The following KIF21B variants were observed in gnomAD, a reference collection of about 807,000 sequenced individuals.
KIF21B encodes the protein kinesin family member 21B, also known as kinesin-like protein KIF21B.
A neutral mutation model predicts 192.9 loss-of-function variants in KIF21B; 85 were observed. The ratio of observed to expected loss-of-function variants is 0.44; its 90% confidence interval spans 0.37 to 0.53. The LOEUF (loss-of-function observed/expected upper bound fraction) is 0.53. Ranked by LOEUF, KIF21B falls within the 20% of genes least tolerant of loss-of-function variation. The probability of loss-of-function intolerance (pLI) is 0.00; values close to 1 mark genes in which losing one functional copy is unlikely to be tolerated. For synonymous variants in KIF21B, 832 were observed against 884.6 expected, an observed-to-expected ratio of 0.94 and a Z score of 1.05; for missense variants, 1,716 against 2,194.8, an observed-to-expected ratio of 0.78 and a Z score of 4.36.
Position 200,998,716 on chromosome 1 carries a change from T to A in KIF21B, c.1886-141A>T. The A allele has an allele frequency of 1.5e-6, 1 of 686,722 alleles. No homozygotes were observed. The highest frequency in any genetic ancestry group is 2.5e-6 in the Non-Finnish European group (1 of 407,874). The allele number at this position is 686,722 out of a possible 1,614,324, so 42.5% of individuals were successfully genotyped here. A position where few individuals can be genotyped will look rare whatever the true frequency, so the allele number is the denominator to read the frequency against. On this transcript the variant is annotated intron_variant, in intron 13 of 34. Transcript: ENST00000461742. This position sits in a 1 kb window ranked among gnomAD's most constrained non-coding sequence, Gnocchi z 4.3. Reference sequence around the variant, plus strand: ...ACCAGAGACTGGGCAAAATGATAAATCCTAATGCAGGTAGAATGCGGCCAG... The same window carrying A: ...ACCAGAGACTGGGCAAAATGATAAAACCTAATGCAGGTAGAATGCGGCCAG...
chr1:200,992,065 AG>A (rs1477797228), intron 16 of KIF21B, among the ~76,000 whole-genome samples: 2 of 152,198 alleles, frequency 1.3e-5, no homozygotes, highest in African/African-American at 2.4e-5. Context: ...TCCCCTCTCC[AG>A]GGCTCAAGTC....
intron 2 of KIF21B, 70 bp from the exon 3 acceptor site, chr1:201,009,021 C>A: frequency 6.6e-7 from 1 of 1,507,988 alleles, no homozygotes; most frequent in South Asian, 1.3e-5. Context: ...TGTACCTGGG[C>A]CAAATCCCCT....
chr1:200,990,184 C>T lies in KIF21B; in HGVS notation c.2984G>A (p.Gly995Asp). 1.2e-6 allele frequency: 2 copies of T among 1,614,028 alleles called. No homozygotes were observed. Among genetic ancestry groups the T allele is most frequent in the Non-Finnish European group, 1.7e-6 (2 of 1,179,984 alleles). ...GATGGTGGCCTGGCAGTCGGTGATG[C>T]CGTCATTGATGTAGTCAATGTTGGC... is the stretch of plus-strand genomic sequence containing the variant. ...LAANIDYINDGITDCQATIVQ... is the reference protein window; with the variant it reads ...LAANIDYINDDITDCQATIVQ... Residue 995 changes from glycine to aspartate, a missense_variant, in exon 20 of 35, where the codon GGC becomes GAC. This residue lies in a region of KIF21B where 49 missense variants were observed against 102.6 expected (regional missense o/e 0.48). Coordinates refer to ENST00000461742, the MANE Select transcript of KIF21B (RefSeq NM_001252102.2). The surrounding 1 kb of genome is among the most constrained non-coding windows in gnomAD (Gnocchi z 5.4).
chr1:200,987,147 G>C lies in KIF21B; in HGVS notation c.3463C>G (p.Pro1155Ala). 1.2e-6 allele frequency: 2 copies of C among 1,614,034 alleles called. No individual in the cohort carries two copies. Among genetic ancestry groups the C allele is most frequent in the South Asian group, 2.2e-5 (2 of 91,064 alleles). ...TTCTTGGTGGAGATATCCAGTGGGG[G>C]GCCCAGGCACTCAGCCGACACAGCT... is the stretch of plus-strand genomic sequence containing the variant. ...MKAVSAECLGPPLDISTKNIT... is the reference protein window; with the variant it reads ...MKAVSAECLGAPLDISTKNIT... Residue 1155 changes from proline to alanine, a missense_variant, in exon 25 of 35, where the codon CCC (proline) becomes GCC (alanine). Coordinates refer to ENST00000461742, the MANE Select transcript of KIF21B (RefSeq NM_001252102.2).
intron 16 of KIF21B, 127 bp from the exon 17 acceptor site, chr1:200,991,852 T>G: frequency 2.1e-6 from 2 of 972,886 alleles, no homozygotes; most frequent in Non-Finnish European, 3.1e-6. Context: ...AGCCAAACTC[T>G]TGATAAAGTG....
rs777397981 is a variant in KIF21B, at chr1:201,003,664, C to G, written c.1134G>C (p.Gln378His). 6.2e-7 allele frequency: 1 copy of G among 1,614,114 alleles called. No individual in the cohort carries two copies. The highest frequency in any genetic ancestry group is 1.3e-5 in the African/African-American group (1 of 74,938). The change falls in exon 8 of 35, where the codon CAG becomes CAC. Residue 378 changes from glutamine (Q) to histidine (H), a missense_variant. This residue lies in a region of KIF21B where 1,087 missense variants were observed against 1,316.6 expected (regional missense o/e 0.83). Transcript: ENST00000461742. ...CACTGATTTGCTGGCTGGTCTTGTC[C>G]TGGTTCACTACCACCTTGTTCTTGA... Reference protein sequence around the residue: ...RNIKNKVVVNQDKTSQQISAL... With the variant: ...RNIKNKVVVNHDKTSQQISAL...
At position 201,003,766 on chromosome 1, in the gene KIF21B, G is replaced by A. The variant is rs528121290; in HGVS notation, c.1032C>T (p.Ile344=). The change falls in exon 8 of 35, where the codon ATC becomes ATT. Residue 344 remains isoleucine, a synonymous_variant. Transcript: ENST00000461742. ...SLGGNSQTIM[I]ACVSPSDRDF... is the part of the protein sequence containing the mutation. ...CTCGGTCTGAGGGGCTCACACAGGC[G>A]ATCATGATGGTCTGGCTGGGGGTGC... The A allele has an allele frequency of 1.8e-5, 29 of 1,614,158 alleles. No individual in the cohort carries two copies. Among genetic ancestry groups the A allele is most frequent in the Middle Eastern group, 1.6e-4 (1 of 6,062 alleles).
intron 30 of KIF21B, 140 bp from the exon 31 acceptor site, chr1:200,977,516 T>C (rs1280595396): frequency 2.0e-6 from 2 of 1,024,728 alleles, no homozygotes; most frequent in Non-Finnish European, 2.8e-6. Context: ...AGAAGAGCAA[T>C]AGCTTCTCCC....
In KIF21B at chr1:200,987,573, G is replaced by A. The variant is rs146304850; in HGVS notation, c.3409-372C>T. Among the ~76,000 whole-genome samples the A allele has an allele frequency of 3.3e-3, 510 of 152,278 alleles. 6 individuals carry two copies. The highest frequency in any genetic ancestry group is 0.012 in the African/African-American group (499 of 41,552). On this transcript the variant is annotated intron_variant, in intron 24 of 34. Coordinates refer to ENST00000461742, the MANE Select transcript of KIF21B (RefSeq NM_001252102.2). ...CGGAAATTCTAACAAGAGAAATGAT[G>A]CCGTCTTGGCCTAAGGTAGAGGACC...
intron 8 of KIF21B, chr1:201,002,949 T>C (rs1033080882): frequency 1.9e-5 from 3 of 156,154 alleles, no homozygotes; most frequent in Admixed American, 6.2e-5. Flanking sequence ...GGGCTACCAA[T>C]TGGTGACTTC....
chr1:200,990,249 C>G lies in KIF21B; in HGVS notation c.2919G>C (p.Lys973Asn), dbSNP rs1656595083. The change falls in exon 20 of 35, where the codon AAG becomes AAC. Residue 973 changes from lysine (K) to asparagine (N), a missense_variant. Transcript: ENST00000461742. The surrounding 1 kb of genome is among the most constrained non-coding windows in gnomAD (Gnocchi z 5.4). Reference sequence around the variant, plus strand: ...TCTCCTCAGCCAGCTCCTGCAGCCCCTTCTCTTCCTCGGGGCTCTCAGCCT... The same window carrying G: ...TCTCCTCAGCCAGCTCCTGCAGCCCGTTCTCTTCCTCGGGGCTCTCAGCCT... ...RLQAESPEEE[K>N]GLQELAEEIE... is the part of the protein sequence containing the mutation. The G allele has an allele frequency of 1.2e-6, 2 of 1,614,026 alleles. No homozygotes were observed. The highest frequency in any genetic ancestry group is 1.7e-6 in the Non-Finnish European group (2 of 1,179,996).
Position 200,989,928 on chromosome 1 carries a change from C to T in KIF21B, c.3132+14G>A, listed in dbSNP as rs983533330. On this transcript the variant is annotated intron_variant, in intron 21 of 34. Coordinates refer to ENST00000461742, the MANE Select transcript of KIF21B (RefSeq NM_001252102.2). ...GCCCATAGAGCCCCCTGCCCATGTA[C>T]GCTCCCAGCTTACCTTGTCAATGGA... 40 of 1,604,320 alleles carry T rather than the reference C, an allele frequency of 2.5e-5. No individual in the cohort carries two copies. Among genetic ancestry groups the T allele is most frequent in the Non-Finnish European group, 2.8e-5 (33 of 1,171,526 alleles).
intron 28 of KIF21B, among the ~76,000 whole-genome samples, chr1:200,981,404 A>G (rs989155138): frequency 2.0e-5 from 3 of 152,198 alleles, no homozygotes; most frequent in East Asian, 1.9e-4. Flanking sequence ...GAGAGTTCCT[A>G]TCTGACAATG....
chr1:200,976,650 G>C (rs296561), intron 32 of KIF21B, 126 bp downstream of exon 32: 86,889 of 552,826 alleles, frequency 0.16, 7,483 homozygotes, highest in Middle Eastern at 0.21. Context: ...CCTTCTTTGG[G>C]GTGATTTCTT....
Position 200,998,473 on chromosome 1 carries a change from A to T in KIF21B, c.1988T>A (p.Leu663His). Reference protein sequence around the residue: ...LENSQRRLQTLKHQYEEKLIL... With the variant: ...LENSQRRLQTHKHQYEEKLIL... ...CAGCTTTTCCTCATACTGGTGCTTG[A>T]GCGTCTGCAACCGCCGCTGGCTGTT... Residue 663 changes from leucine (L) to histidine (H), a missense_variant, in exon 14 of 35, where the codon CTC (leucine) becomes CAC (histidine). Physicochemically the swap from Leu to His is moderately conservative, Grantham distance 99. This residue lies in a region of KIF21B where 1,087 missense variants were observed against 1,316.6 expected (regional missense o/e 0.83). Transcript: ENST00000461742. The surrounding 1 kb of genome is among the most constrained non-coding windows in gnomAD (Gnocchi z 4.3). The T allele has an allele frequency of 6.2e-7, 1 of 1,613,978 alleles. No individual in the cohort carries two copies. Among genetic ancestry groups the T allele is most frequent in the Non-Finnish European group, 8.5e-7 (1 of 1,180,024 alleles).
chr1:201,012,175 G>A (rs1299848979), intron 1 of KIF21B, among the ~76,000 whole-genome samples: 1 of 152,200 alleles, frequency 6.6e-6, no homozygotes, highest in African/African-American at 2.4e-5. Context: ...GTCAGAAAGA[G>A]ACGTCCAGCC....
intron 3 of KIF21B, among the ~76,000 whole-genome samples, chr1:201,007,219 CAGACACACACAGACACACACACACAGAG>C (rs1657911640): frequency 1.4e-5 from 2 of 143,644 alleles, no homozygotes; most frequent in Non-Finnish European, 3.0e-5. Context: ...CACACAGAGA[CAGACACACACAGACACACACACACAGAG>C]ACAGACACAC....
At position 201,000,123 on chromosome 1, in the gene KIF21B, C is replaced by A. The variant is rs374571127; in HGVS notation, c.1686-159G>T. 1.4e-4 allele frequency among the ~76,000 whole-genome samples: 22 copies of A among 152,184 alleles called. No homozygotes were observed. Among genetic ancestry groups the A allele is most frequent in the African/African-American group, 5.3e-4 (22 of 41,442 alleles). On this transcript the variant is annotated intron_variant, in intron 11 of 34. Coordinates refer to ENST00000461742, the MANE Select transcript of KIF21B (RefSeq NM_001252102.2). The surrounding 1 kb of genome is among the most constrained non-coding windows in gnomAD (Gnocchi z 6.0). ...AGAACCCCACTGCTCTTCCCTAGGG[C>A]CACCCAGAGCTGACCTTGGCTCAGC... is the stretch of plus-strand genomic sequence containing the variant.
chr1:200,985,831 C>T (rs190309573), intron 26 of KIF21B, among the ~76,000 whole-genome samples: 46 of 106,394 alleles, frequency 4.3e-4, no homozygotes, highest in East Asian at 6.6e-4. Flanking sequence ...CTTCCCTTCC[C>T]TTTTTTTTTT....
Sources: allele counts gnomAD v4.1 joint callset (sites outside exome capture counted in the v4.1 genomes callset), GRCh38; gene constraint gnomAD v4.1.1; regional missense constraint gnomAD v4.1.1; non-coding constraint Gnocchi (gnomAD v3.1); transcripts MANE v1.5; gene names NCBI Gene and HGNC (gene_info 2026-07-23, HGNC 2026-07-21).